The following OPCML variants were observed in gnomAD, a reference collection of about 807,000 sequenced individuals.
OPCML encodes the protein opioid binding protein/cell adhesion molecule like, also known as opioid-binding protein/cell adhesion molecule.
In OPCML, 13 loss-of-function variants were observed where a neutral mutation model predicts 37.8. That is an observed-to-expected ratio of 0.34 (90% CI 0.22 to 0.55). The LOEUF (loss-of-function observed/expected upper bound fraction) is 0.55, where lower values mean the gene tolerates loss of function less well. Among genes scored for constraint, OPCML ranks in the 20% least tolerant of loss-of-function variants. OPCML has a pLI of 0.91. For synonymous variants in OPCML, 176 were observed against 168.8 expected, an observed-to-expected ratio of 1.04 and a Z score of -0.33; for missense variants, 341 against 435.6, an observed-to-expected ratio of 0.78 and a Z score of 1.93.
intron 1 of OPCML, among the ~76,000 whole-genome samples, chr11:133,143,627 A>G (rs1211620218): frequency 6.6e-6 from 1 of 152,192 alleles, no homozygotes; most frequent in African/African-American, 2.4e-5. Flanking sequence ...GCCCTTCCCC[A>G]TATCTCATCT....
intron 1 of OPCML, among the ~76,000 whole-genome samples, chr11:133,245,023 G>A (rs897530382): frequency 1.3e-5 from 2 of 152,222 alleles, no homozygotes; most frequent in Non-Finnish European, 2.9e-5. Context: ...ATGAGGATGT[G>A]TGGAATGTTC....
intron 3 of OPCML, among the ~76,000 whole-genome samples, chr11:132,582,283 A>C (rs1189861181): frequency 6.6e-6 from 1 of 152,172 alleles, no homozygotes; most frequent in Non-Finnish European, 1.5e-5. Context: ...GCTAATACCA[A>C]TGAAAGGACA....
At chr11:133,129,334 A>G (rs1949568516) in intron 1 of OPCML, among the ~76,000 whole-genome samples, 1 of 152,166 alleles carries the variant, frequency 6.6e-6, no homozygotes, top group South Asian at 2.1e-4. Context: ...AGGGCCAAGA[A>G]GAGTGCTTGC....
intron 3 of OPCML, among the ~76,000 whole-genome samples, chr11:132,555,991 T>A (rs2096394655): frequency 6.6e-6 from 1 of 151,904 alleles, no homozygotes; most frequent in Non-Finnish European, 1.5e-5. Context: ...AAGGCTGGAG[T>A]GAAGTGGTGT....
intron 1 of OPCML, among the ~76,000 whole-genome samples, chr11:133,458,573 A>G (rs1290189885): frequency 4.9e-5 from 5 of 102,648 alleles, no homozygotes; most frequent in Non-Finnish European, 8.4e-5. Flanking sequence ...ACATATATAC[A>G]CGTGTGTGTA....
chr11:133,425,841 T>A (rs890629953), intron 1 of OPCML, among the ~76,000 whole-genome samples: 4 of 152,218 alleles, frequency 2.6e-5, no homozygotes, highest in Admixed American at 6.5e-5. Context: ...TTTTCACCTA[T>A]AATTCATTTT....
chr11:133,341,493 G>A (rs1452890645), intron 1 of OPCML, among the ~76,000 whole-genome samples: 1 of 152,220 alleles, frequency 6.6e-6, no homozygotes, highest in Non-Finnish European at 1.5e-5. Flanking sequence ...CACCCATGAA[G>A]TCAAGGTGAA....
intron 2 of OPCML, among the ~76,000 whole-genome samples, chr11:132,734,334 C>T (rs941949956): frequency 6.6e-6 from 1 of 152,098 alleles, no homozygotes; most frequent in Non-Finnish European, 1.5e-5. Flanking sequence ...TATCTGACTC[C>T]CACAGTAGCA....
At chr11:132,446,156 G>A (rs1307644266) in intron 4 of OPCML, among the ~76,000 whole-genome samples, 1 of 126,452 alleles carries the variant, frequency 7.9e-6, no homozygotes, top group Non-Finnish European at 1.6e-5. Flanking sequence ...TGTGTGGGAA[G>A]AATCAAGACA....
intron 1 of OPCML, among the ~76,000 whole-genome samples, chr11:133,377,990 T>G (rs1267211250): frequency 6.6e-6 from 1 of 152,230 alleles, no homozygotes; most frequent in Non-Finnish European, 1.5e-5. Flanking sequence ...TTACAAAGTT[T>G]AATACGCCAT....
intron 3 of OPCML, among the ~76,000 whole-genome samples, chr11:132,563,714 G>T (rs1318723053): frequency 6.6e-6 from 1 of 151,854 alleles, no homozygotes; most frequent in African/African-American, 2.4e-5. Context: ...CTATGAATGG[G>T]ATCTGCAGAA....
chr11:133,334,557 C>T (rs1239119265), intron 1 of OPCML, among the ~76,000 whole-genome samples: 2 of 152,130 alleles, frequency 1.3e-5, no homozygotes, highest in Non-Finnish European at 2.9e-5. Context: ...GAGCTTAACA[C>T]CTGGGTGATG....
intron 1 of OPCML, among the ~76,000 whole-genome samples, chr11:132,952,749 A>C (rs1945888489): frequency 6.6e-6 from 1 of 152,136 alleles, no homozygotes; most frequent in Non-Finnish European, 1.5e-5. Context: ...AGCGGCGTGC[A>C]TGAGAGCTTC....
At chr11:133,405,242 G>A (rs1945500280) in intron 1 of OPCML, among the ~76,000 whole-genome samples, 1 of 152,204 alleles carries the variant, frequency 6.6e-6, no homozygotes, top group African/African-American at 2.4e-5. Flanking sequence ...GAAGCTCACA[G>A]TGTCCCCTCT....
At chr11:133,326,761 T>G (rs2136636905) in intron 1 of OPCML, among the ~76,000 whole-genome samples, 1 of 121,464 alleles carries the variant, frequency 8.2e-6, no homozygotes, top group African/African-American at 3.2e-5. Context: ...GGTGAGGGTG[T>G]GTGGGGCAGT....
At chr11:132,577,041 G>A (rs2096452672) in intron 3 of OPCML, among the ~76,000 whole-genome samples, 1 of 152,174 alleles carries the variant, frequency 6.6e-6, no homozygotes, top group South Asian at 2.1e-4. Flanking sequence ...CTTCCTGGTT[G>A]TAAGGCCCTG....
At chr11:133,125,440 C>A (rs1419679847) in intron 1 of OPCML, among the ~76,000 whole-genome samples, 4 of 151,698 alleles carry the variant, frequency 2.6e-5, no homozygotes, top group Non-Finnish European at 5.9e-5. Context: ...CATACAGAAT[C>A]ACTACTTTTC....
intron 1 of OPCML, 29 bp downstream of exon 1, chr11:133,532,235 A>T: frequency 6.2e-7 from 1 of 1,611,302 alleles, no homozygotes; most frequent in Non-Finnish European, 8.5e-7. Flanking sequence ...CACCCCAGGG[A>T]GAGAAAACAC....
chr11:132,666,526 A>G (rs2135802310), intron 2 of OPCML, among the ~76,000 whole-genome samples: 1 of 152,272 alleles, frequency 6.6e-6, no homozygotes, highest in East Asian at 1.9e-4. Flanking sequence ...ACACATCCAC[A>G]CCATATCAGA....
Sources: gnomAD v4.1 joint callset for allele counts (sites outside exome capture counted in the v4.1 genomes callset) on GRCh38, gnomAD v4.1.1 for gene constraint, MANE v1.5 for transcripts, NCBI Gene and HGNC (gene_info 2026-07-23, HGNC 2026-07-21) for gene names.